The following DST variants were observed in gnomAD, a reference collection of about 807,000 sequenced individuals.
The protein encoded by DST is bullous pemphigoid antigen.
A neutral mutation model predicts 875.2 loss-of-function variants in DST; 253 were observed. The observed-to-expected ratio is 0.29, with a 90% CI of 0.26 to 0.32. DST has a LOEUF of 0.32. Among genes scored for constraint, DST ranks in the 10% least tolerant of loss-of-function variants. The pLI, the probability that DST is intolerant of heterozygous loss-of-function variation, is 1.00. For synonymous variants in DST, 3,124 were observed against 3,197.1 expected, an observed-to-expected ratio of 0.98 and a Z score of 0.77; for missense variants, 8,287 against 9,111.6, an observed-to-expected ratio of 0.91 and a Z score of 3.68.
chr6:56,831,696 A>G (rs1414801722), intron 4 of DST, among the ~76,000 whole-genome samples: 2 of 152,158 alleles, frequency 1.3e-5, no homozygotes, highest in East Asian at 1.9e-4. Flanking sequence ...TATAGGATCA[A>G]TAAGTATTTG....
chr6:56,609,442 CA>C lies in DST; in HGVS notation c.5284-99del, dbSNP rs377111643. ...TTTTTAAAAAATAAATAATACATTTCAACATAAAAATCCTCTACTTACCAAG... is the reference window on the plus strand; with the variant it reads ...TTTTTAAAAAATAAATAATACATTTCACATAAAAATCCTCTACTTACCAAG... On this transcript the variant is annotated intron_variant, in intron 39 of 103. Coordinates refer to ENST00000680361, the MANE Select transcript of DST (RefSeq NM_001374736.1). 881 of 870,680 alleles carry C rather than the reference CA, an allele frequency of 1.0e-3. 5 individuals carry two copies. The highest frequency in any genetic ancestry group is 9.7e-3 in the South Asian group (561 of 57,964). The allele number at this position is 870,680 out of a possible 1,614,324, so 53.9% of individuals were successfully genotyped here.
chr6:56,526,272 C>T (rs2096795506), intron 69 of DST, 89 bp downstream of exon 69: 2 of 1,287,470 alleles, frequency 1.6e-6, no homozygotes, highest in East Asian at 4.9e-5. Flanking sequence ...TGAATGGAAA[C>T]AGTATTAACA....
At chr6:56,616,364 T>G (rs746235739) in intron 36 of DST, 3 of 1,613,688 alleles carry the variant, frequency 1.9e-6, no homozygotes, top group Non-Finnish European at 2.5e-6. Flanking sequence ...CCCTGAAAGT[T>G]CAAGATATAT....
intron 4 of DST, among the ~76,000 whole-genome samples, chr6:56,748,609 T>C (rs748676761): frequency 6.6e-6 from 1 of 152,176 alleles, no homozygotes. Flanking sequence ...GCAATAAACG[T>C]CAAAATCACA....
intron 4 of DST, among the ~76,000 whole-genome samples, chr6:56,835,871 C>G (rs879442316): frequency 6.6e-6 from 1 of 152,196 alleles, no homozygotes; most frequent in Non-Finnish European, 1.5e-5. Flanking sequence ...ACTTTGTCAA[C>G]GCTCTTTGAC....
chr6:56,808,731 C>A (rs1252814682), intron 4 of DST, among the ~76,000 whole-genome samples: 2 of 152,144 alleles, frequency 1.3e-5, no homozygotes, highest in African/African-American at 2.4e-5. Context: ...TGTTTTCCTG[C>A]AGTAAGATTC....
intron 26 of DST, 25 bp downstream of exon 26, chr6:56,634,437 A>G (rs765655970): frequency 1.9e-5 from 31 of 1,612,748 alleles, no homozygotes; most frequent in East Asian, 2.2e-5. Context: ...AACTAGCTCA[A>G]CATTTTTAGC....
chr6:56,669,386 A>C (rs2152825953), intron 10 of DST, among the ~76,000 whole-genome samples: 1 of 151,846 alleles, frequency 6.6e-6, no homozygotes, highest in Admixed American at 6.6e-5. Context: ...ACCTGAGGTC[A>C]GGAGTTCAAG....
At chr6:56,853,359 T>C (rs1217340577) in intron 3 of DST, among the ~76,000 whole-genome samples, 1 of 152,232 alleles carries the variant, frequency 6.6e-6, no homozygotes, top group Non-Finnish European at 1.5e-5. Context: ...CAACCCAGTT[T>C]ATTTTCCATG....
intron 3 of DST, among the ~76,000 whole-genome samples, chr6:56,867,818 C>T (rs1039538765): frequency 6.6e-5 from 10 of 150,808 alleles, no homozygotes; most frequent in African/African-American, 1.2e-4. Flanking sequence ...GGCGACAGAG[C>T]GAGACTCCGT....
At position 56,536,701 on chromosome 6, in the gene DST, C is replaced by A. The variant is rs74394372; in HGVS notation, c.16770+78G>T. Reference sequence around the variant, plus strand: ...CATATTTAGAAAAGTTTGGCTACCACAAATATGATTCATGGTCACCACAAA... The same window carrying A: ...CATATTTAGAAAAGTTTGGCTACCAAAAATATGATTCATGGTCACCACAAA... On this transcript the variant is annotated intron_variant, in intron 62 of 103. Transcript: ENST00000680361. The A allele has an allele frequency of 1.3e-4, 183 of 1,375,510 alleles. No homozygotes were observed. In the East Asian group the frequency reaches 3.6e-3, roughly 27 times the overall value. The allele number at this position is 1,375,510 out of a possible 1,614,324, so 85.2% of individuals were successfully genotyped here.
chr6:56,618,062 T>C lies in DST; in HGVS notation c.4930-3578A>G, dbSNP rs201140563. The C allele has an allele frequency of 7.2e-5, 116 of 1,614,184 alleles. No homozygotes were observed. The East Asian group carries it at 2.1e-3, about 29-fold the overall frequency. ...ATACCTAACAGGTGGTCTAGAATTG[T>C]TCAGGGCTTGGTCTCTTATCTTCTC... On this transcript the variant is annotated intron_variant, in intron 36 of 103. Coordinates refer to ENST00000680361, the MANE Select transcript of DST (RefSeq NM_001374736.1).
At chr6:56,852,498 A>C (rs984224106) in intron 3 of DST, among the ~76,000 whole-genome samples, 1 of 152,190 alleles carries the variant, frequency 6.6e-6, no homozygotes, top group African/African-American at 2.4e-5. Flanking sequence ...ATCTAGCTGG[A>C]GCAAATCTGT....
At chr6:56,916,282 C>T (rs2127727486) in intron 2 of DST, among the ~76,000 whole-genome samples, 1 of 152,324 alleles carries the variant, frequency 6.6e-6, no homozygotes, top group South Asian at 2.1e-4. Context: ...CCCTAAGACC[C>T]CTGAGTGTCC....
At chr6:56,646,594 C>A (rs1445956255) in intron 13 of DST, among the ~76,000 whole-genome samples, 1 of 151,784 alleles carries the variant, frequency 6.6e-6, no homozygotes, top group African/African-American at 2.4e-5. Context: ...AAAAAACTCT[C>A]TTCTATTGCA....
intron 4 of DST, among the ~76,000 whole-genome samples, chr6:56,847,374 C>A (rs567522776): frequency 1.1e-4 from 17 of 152,270 alleles, no homozygotes; most frequent in African/African-American, 4.1e-4. Flanking sequence ...AGACATGTGA[C>A]GCCTTCACTA....
intron 87 of DST, among the ~76,000 whole-genome samples, chr6:56,486,362 C>CAAAAAAAAA (rs61164880): frequency 2.9e-5 from 1 of 34,022 alleles, no homozygotes; most frequent in African/African-American, 1.0e-4. Flanking sequence ...GACTCCGTCT[C>CAAAAAAAAA]AAAAAAAAAA....
intron 61 of DST, among the ~76,000 whole-genome samples, chr6:56,547,636 C>T (rs923295929): frequency 1.3e-5 from 2 of 152,138 alleles, no homozygotes; most frequent in Non-Finnish European, 2.9e-5. Context: ...TTTAAAAGTA[C>T]TATTAAAGCA....
At chr6:56,916,401 T>C (rs962611076) in intron 2 of DST, among the ~76,000 whole-genome samples, 1 of 152,156 alleles carries the variant, frequency 6.6e-6, no homozygotes, top group East Asian at 1.9e-4. Flanking sequence ...AGTGCCCACT[T>C]TCTACTGGTT....
Sources: allele counts gnomAD v4.1 joint callset (sites outside exome capture counted in the v4.1 genomes callset), GRCh38; gene constraint gnomAD v4.1.1; transcripts MANE v1.5; gene names NCBI Gene and HGNC (gene_info 2026-07-23, HGNC 2026-07-21).